The following RPL28 variants were observed in gnomAD, a reference collection of about 807,000 sequenced individuals.
The protein encoded by RPL28 is large ribosomal subunit protein eL28.
In RPL28, 4 loss-of-function variants were observed where a neutral mutation model predicts 12.5. The observed-to-expected ratio is 0.32, with a 90% CI of 0.16 to 0.73. The LOEUF is 0.73. RPL28 is among the 30% of genes least tolerant of loss of function. RPL28 has a pLI of 0.66. For synonymous variants in RPL28, 91 were observed against 72.5 expected (o/e 1.26, Z -1.30); for missense variants, 214 against 197.7 (o/e 1.08, Z -0.49).
At chr19:55,395,225 C>T (rs1440695015), downstream of RPL28, among the ~76,000 whole-genome samples, 1 of 152,106 alleles carries the variant, frequency 6.6e-6, no homozygotes, top group East Asian at 1.9e-4. Flanking sequence ...CAACCTCTAC[C>T]ACCTGGGTTC....
In RPL28 at chr19:55,389,910, G is replaced by GTCCCAC; in HGVS notation, c.*1581_*1586dup. Reference sequence around the variant, plus strand: ...CTGCTCAGGAGCCCCCACTGTCCCAGTCCCACTCAGGCCCATCTCTGGCTG... The same window carrying GTCCCAC: ...CTGCTCAGGAGCCCCCACTGTCCCAGTCCCACTCCCACTCAGGCCCATCTCTGGCTG... On this transcript the variant is annotated 3_prime_UTR_variant, in exon 5 of 5. Coordinates refer to ENST00000344063, the MANE Select transcript of RPL28 (RefSeq NM_000991.5). The GTCCCAC allele has an allele frequency of 3.0e-6, 3 of 985,376 alleles. No homozygotes were observed. The highest frequency in any genetic ancestry group is 3.6e-6 in the Non-Finnish European group (3 of 830,022). 61.0% of individuals were successfully genotyped at this position (985,376 alleles called of 1,614,324 possible).
At chr19:55,386,995 C>A in intron 3 of RPL28, 1 of 1,442,064 alleles carries the variant, frequency 6.9e-7, no homozygotes, top group South Asian at 1.5e-5. Context: ...CAAAGCAAGT[C>A]AGGGTGGGGA....
At chr19:55,393,225 A>G (rs10408088), downstream of RPL28, among the ~76,000 whole-genome samples, 4,646 of 145,706 alleles carry the variant, frequency 0.032, 324 homozygotes, top group African/African-American at 0.11. Context: ...GAGACCTGTC[A>G]TCCTCCCTTG....
rs772794460 is a variant in RPL28, at chr19:55,391,270, G to C, written c.*2938G>C. 7 of 400,182 alleles carry C rather than the reference G, an allele frequency of 1.7e-5. No homozygotes were observed. Among genetic ancestry groups the C allele is most frequent in the Non-Finnish European group, 2.3e-5 (6 of 257,468 alleles). 24.8% of individuals were successfully genotyped at this position (400,182 alleles called of 1,614,324 possible). On this transcript the variant is annotated 3_prime_UTR_variant, in exon 5 of 5. Transcript: ENST00000344063. Reference sequence around the variant, plus strand: ...CTGCCTGGGTTCCAGTCCCAGCTCTGCCAGTTATGCCCAGCTGTGGGGACT... The same window carrying C: ...CTGCCTGGGTTCCAGTCCCAGCTCTCCCAGTTATGCCCAGCTGTGGGGACT...
chr19:55,393,971 A>G (rs1198447959), downstream of RPL28, among the ~76,000 whole-genome samples: 1 of 149,212 alleles, frequency 6.7e-6, no homozygotes, highest in East Asian at 2.1e-4. Context: ...TTTTAAAGGG[A>G]CAGGGTCTCA....
Position 55,387,821 on chromosome 19 carries a change from C to A in RPL28, c.206-109C>A, listed in dbSNP as rs976712221. On this transcript the variant is annotated intron_variant, in intron 3 of 4. Coordinates refer to ENST00000344063, the MANE Select transcript of RPL28 (RefSeq NM_000991.5). ...TGCTGGCCTGCCCAGGCACCCGCCA[C>A]GGGCCCACGCTGCTCAGCTTCTCAA... 4 of 1,471,678 alleles carry A rather than the reference C, an allele frequency of 2.7e-6. No individual in the cohort carries two copies. The African/African-American group carries it at 5.6e-5, about 21-fold the overall frequency. 91.2% of individuals were successfully genotyped at this position (1,471,678 alleles called of 1,614,324 possible). A position where few individuals can be genotyped will look rare whatever the true frequency, so the allele number is the denominator to read the frequency against.
chr19:55,396,742 G>A (rs947173458), downstream of RPL28, among the ~76,000 whole-genome samples: 17 of 145,738 alleles, frequency 1.2e-4, 1 homozygote, highest in South Asian at 4.5e-4. Context: ...CACCACGCCC[G>A]GCTAATTTTT....
In RPL28 at chr19:55,387,962, A is replaced by G; in HGVS notation, c.238A>G (p.Thr80Ala). The G allele has an allele frequency of 2.5e-6, 4 of 1,601,890 alleles. No homozygotes were observed. Among genetic ancestry groups the G allele is most frequent in the Non-Finnish European group, 3.4e-6 (4 of 1,173,934 alleles). ...GAAGCCTGCCACCTCCTATGTGCGG[A>G]CCACCATCAACAAGAATGCTCGCGC... Reference protein sequence around the residue: ...QRKPATSYVRTTINKNARATL... With the variant: ...QRKPATSYVRATINKNARATL... The change falls in exon 4 of 5, where the codon ACC (threonine) becomes GCC (alanine). Residue 80 changes from threonine (T) to alanine (A), a missense_variant. Transcript: ENST00000344063.
At position 55,389,982 on chromosome 19, in the gene RPL28, C is replaced by T; in HGVS notation, c.*1650C>T. 2.0e-6 allele frequency: 2 copies of T among 985,526 alleles called. No homozygotes were observed. The highest frequency in any genetic ancestry group is 2.4e-6 in the Non-Finnish European group (2 of 829,994). The allele number at this position is 985,526 out of a possible 1,614,324, so 61.0% of individuals were successfully genotyped here. On this transcript the variant is annotated 3_prime_UTR_variant, in exon 5 of 5. Transcript: ENST00000344063. The stretch of plus-strand genomic sequence containing the variant: ...GCCTTCATAAGGAGAGCTCACTGCT[C>T]ACGTTAGTAGATGGCCCCTTCTCGT...
At position 55,391,835 on chromosome 19, in the gene RPL28, A is replaced by C; in HGVS notation, c.*3503A>C. 4 of 1,403,676 alleles carry C rather than the reference A, an allele frequency of 2.8e-6. No homozygotes were observed. The highest frequency in any genetic ancestry group is 9.4e-7 in the Non-Finnish European group (1 of 1,068,288). The allele number at this position is 1,403,676 out of a possible 1,614,324, so 87.0% of individuals were successfully genotyped here. ...CATGCCTATGACTAATTTGTACACA[A>C]ACTAATGCTCGTGTTTCCCAAGCAC... is the stretch of plus-strand genomic sequence containing the variant. On this transcript the variant is annotated 3_prime_UTR_variant, in exon 5 of 5. Coordinates refer to ENST00000344063, the MANE Select transcript of RPL28 (RefSeq NM_000991.5).
At chr19:55,403,308 C>A (rs1481687719), downstream of RPL28, 4 of 561,542 alleles carry the variant, frequency 7.1e-6, no homozygotes, top group Non-Finnish European at 1.3e-5. Flanking sequence ...TCTAATGAGA[C>A]CCCATCTCTG....
Position 55,389,925 on chromosome 19 carries a change from ATC to A in RPL28, c.*1597_*1598del. The A allele has an allele frequency of 1.0e-6, 1 of 985,458 alleles. No individual in the cohort carries two copies. The highest frequency in any genetic ancestry group is 1.2e-6 in the Non-Finnish European group (1 of 829,982). 61.0% of individuals were successfully genotyped at this position (985,458 alleles called of 1,614,324 possible). A position where few individuals can be genotyped will look rare whatever the true frequency, so the allele number is the denominator to read the frequency against. On this transcript the variant is annotated 3_prime_UTR_variant, in exon 5 of 5. Transcript: ENST00000344063. ...CACTGTCCCAGTCCCACTCAGGCCC[ATC>A]TCTGGCTGGCCTCACTGCGCTGGGA...
rs376876918 is a variant in RPL28 at position 55,398,691 on chromosome 19, C to T, written c.325-4252C>T. On this transcript the variant is annotated intron_variant, in intron 4 of 4. Coordinates refer to the RPL28 transcript ENST00000560055. ...TAGGAACTCTTTATACATTTTGTTG[C>T]GTGTGTTGAGGGGAGTGGCGGGGGT... 1.1e-3 allele frequency among the ~76,000 whole-genome samples: 168 copies of T among 152,030 alleles called. 1 individual carries two copies. Among genetic ancestry groups the T allele is most frequent in the African/African-American group, 3.8e-3 (156 of 41,442 alleles).
intron 3 of RPL28, 128 bp downstream of exon 3, chr19:55,386,821 G>A: frequency 6.3e-7 from 1 of 1,591,540 alleles, no homozygotes; most frequent in Non-Finnish European, 8.6e-7. Flanking sequence ...CAGGGTGTTG[G>A]TCTGGGTACC....
intron 1 of RPL28, 138 bp downstream of exon 1, chr19:55,386,103 T>G: frequency 2.0e-6 from 1 of 508,568 alleles, no homozygotes; most frequent in South Asian, 2.2e-5. Context: ...TCGTTGTGAA[T>G]TTTCAAGTTA....
rs899315222 is a variant in RPL28, at chr19:55,389,959, C to T, written c.*1627C>T. 3.7e-5 allele frequency: 36 copies of T among 985,388 alleles called. No individual in the cohort carries two copies. The highest frequency in any genetic ancestry group is 4.0e-5 in the Non-Finnish European group (33 of 829,994). The allele number at this position is 985,388 out of a possible 1,614,324, so 61.0% of individuals were successfully genotyped here. A position where few individuals can be genotyped will look rare whatever the true frequency, so the allele number is the denominator to read the frequency against. On this transcript the variant is annotated 3_prime_UTR_variant, in exon 5 of 5. Coordinates refer to ENST00000344063, the MANE Select transcript of RPL28 (RefSeq NM_000991.5). ...TGGCCTCACTGCGCTGGGACTCCGC[C>T]TTCATAAGGAGAGCTCACTGCTCAC... is the stretch of plus-strand genomic sequence containing the variant.
chr19:55,403,108 G>A, exon 5 of RPL28: 1 of 911,634 alleles, frequency 1.1e-6, no homozygotes. Flanking sequence ...CCCACTAGAT[G>A]CTAGTGGCAC....
chr19:55,399,805 C>G (rs570607995), intron 4 of RPL28: 1 of 152,262 alleles, frequency 6.6e-6, no homozygotes, highest in Non-Finnish European at 1.5e-5. Context: ...GTTCCGAGGC[C>G]CAGGATGCAG....
intron 3 of RPL28, chr19:55,387,219 C>G: frequency 1.4e-6 from 2 of 1,458,126 alleles, no homozygotes; most frequent in Non-Finnish European, 1.9e-6. Context: ...TCGTGTGAGT[C>G]GGGGGTCTCT....
Sources: gnomAD v4.1 joint callset for allele counts (sites outside exome capture counted in the v4.1 genomes callset) on GRCh38, gnomAD v4.1.1 for gene constraint, MANE v1.5 for transcripts, NCBI Gene and HGNC (gene_info 2026-07-23, HGNC 2026-07-21) for gene names.